TTC21B: variants seen among roughly 807,000 people sequenced by gnomAD.
The protein encoded by TTC21B is tetratricopeptide repeat domain 21B, also known as tetratricopeptide repeat protein 21B.
TTC21B carries 127 observed loss-of-function variants against 175.1 expected under a neutral mutation model. The ratio of observed to expected loss-of-function variants is 0.73; its 90% confidence interval spans 0.63 to 0.84. The LOEUF (loss-of-function observed/expected upper bound fraction) is 0.84, where lower values mean the gene tolerates loss of function less well. Among genes scored for constraint, TTC21B ranks in the 40% least tolerant of loss-of-function variants. TTC21B has a pLI of 0.00. For synonymous variants in TTC21B, 524 were observed against 524.5 expected (o/e 1.00, Z 0.01); for missense variants, 1,561 against 1,558.3 (o/e 1.00, Z -0.03).
intron 6 of TTC21B, among the ~76,000 whole-genome samples, chr2:165,936,460 T>TG (rs1687149515): frequency 6.6e-6 from 1 of 152,044 alleles, no homozygotes; most frequent in Non-Finnish European, 1.5e-5. Flanking sequence ...GTTGATAAGC[T>TG]GGACTTCATT....
intron 4 of TTC21B, among the ~76,000 whole-genome samples, chr2:165,943,860 C>T (rs1238769353): frequency 6.6e-6 from 1 of 152,060 alleles, no homozygotes; most frequent in Non-Finnish European, 1.5e-5. Flanking sequence ...AAATTATAAA[C>T]TGAAGAACTC....
At chr2:165,935,994 C>T (rs1300778147) in intron 6 of TTC21B, among the ~76,000 whole-genome samples, 1 of 151,988 alleles carries the variant, frequency 6.6e-6, no homozygotes, top group Non-Finnish European at 1.5e-5. Context: ...AGCAAAAAAA[C>T]ACAGAATAGC....
intron 12 of TTC21B, among the ~76,000 whole-genome samples, chr2:165,920,109 A>C (rs1686331628): frequency 6.6e-6 from 1 of 152,204 alleles, no homozygotes; most frequent in African/African-American, 2.4e-5. Context: ...AAAACACTGC[A>C]TTGATTCTAA....
chr2:165,888,552 C>T (rs1384338702), intron 24 of TTC21B, 78 bp from the exon 25 acceptor site: 20 of 1,145,166 alleles, frequency 1.7e-5, no homozygotes, highest in East Asian at 2.5e-5. Flanking sequence ...AGCTTTTGTA[C>T]ACAAAAGCTC....
In TTC21B at chr2:165,912,534, TG is replaced by T; in HGVS notation, c.2301del (p.Thr769LeufsTer15). ...TLASKMGKAL[I>X]KTHNYSMAIT... ...CTTACCATTGAGTAGTTATGAGTTTTGATAAGTGCTTTGCCCATTTTGCTTG... is the reference window on the plus strand; with the variant it reads ...CTTACCATTGAGTAGTTATGAGTTTTATAAGTGCTTTGCCCATTTTGCTTG... On this transcript the variant is annotated frameshift_variant, in exon 17 of 29. Transcript: ENST00000243344. LOFTEE classifies it high-confidence loss of function. 1 of 1,614,022 alleles carries T rather than the reference TG, an allele frequency of 6.2e-7. No homozygotes were observed. Among genetic ancestry groups the T allele is most frequent in the Non-Finnish European group, 8.5e-7 (1 of 1,179,870 alleles).
chr2:165,890,855 A>G lies in TTC21B; in HGVS notation c.3084T>C (p.Cys1028=), dbSNP rs750764688. Residue 1028 remains cysteine, a synonymous_variant, in exon 23 of 29, where the codon TGT becomes TGC. Coordinates refer to ENST00000243344, the MANE Select transcript of TTC21B (RefSeq NM_024753.5). ...AGATTTACCAAAGATACAGTCCTTT[A>G]CAATACTGAAATCCTGGTTCCAATT... ...RAKLEPGFQY[C]KGLYLWYTGE... is the part of the protein sequence containing the mutation. 36 of 1,613,338 alleles carry G rather than the reference A, an allele frequency of 2.2e-5. No individual in the cohort carries two copies. Among genetic ancestry groups the G allele is most frequent in the Middle Eastern group, 3.3e-4 (2 of 6,074 alleles).
intron 6 of TTC21B, among the ~76,000 whole-genome samples, chr2:165,938,917 T>A (rs13423181): frequency 0.33 from 50,297 of 152,054 alleles, 8,659 homozygotes; most frequent in Non-Finnish European, 0.39. Flanking sequence ...CTATTGGTAA[T>A]TTGAACACTG....
At chr2:165,952,122 C>G (rs549720426) in intron 1 of TTC21B, among the ~76,000 whole-genome samples, 75 of 152,272 alleles carry the variant, frequency 4.9e-4, no homozygotes, top group African/African-American at 1.5e-3. Context: ...ATGAAGATGA[C>G]TAAAAGCCAC....
At chr2:165,920,642 G>A (rs1187500696) in intron 12 of TTC21B, among the ~76,000 whole-genome samples, 2 of 151,420 alleles carry the variant, frequency 1.3e-5, no homozygotes, top group Non-Finnish European at 2.9e-5. Context: ...GAGAATTAGG[G>A]TTTGCAACTA....
At chr2:165,894,715 A>C (rs1447322769) in intron 22 of TTC21B, among the ~76,000 whole-genome samples, 1 of 152,142 alleles carries the variant, frequency 6.6e-6, no homozygotes, top group Admixed American at 6.5e-5. Flanking sequence ...TTGGTGTTTT[A>C]CAGTCATTCA....
At position 165,911,474 on chromosome 2, in the gene TTC21B, A is replaced by C; in HGVS notation, c.2323-9T>G. ...TCATAGTAAGTGATTGCCTAAACAA[A>C]ATTCATTCCATTTAAGGGAACAAGG... On this transcript the variant is annotated splice_polypyrimidine_tract_variant and intron_variant, in intron 17 of 28. Transcript: ENST00000243344. The C allele has an allele frequency of 6.2e-7, 1 of 1,613,682 alleles. No homozygotes were observed. The highest frequency in any genetic ancestry group is 8.5e-7 in the Non-Finnish European group (1 of 1,179,804).
At chr2:165,953,663 G>GCTCACCCC (rs1453192686) in intron 1 of TTC21B, 22 bp downstream of exon 1, 2 of 1,471,342 alleles carry the variant, frequency 1.4e-6, no homozygotes, top group Non-Finnish European at 1.8e-6. Flanking sequence ...CCGCTCACCC[G>GCTCACCCC]CTCACCCGCT....
At chr2:165,880,916 G>T in intron 26 of TTC21B, 117 bp from the exon 27 acceptor site, 1 of 1,159,658 alleles carries the variant, frequency 8.6e-7, no homozygotes, top group Non-Finnish European at 1.2e-6. Context: ...ATCAAACAAT[G>T]GTTTTCAACC....
chr2:165,884,356 T>C (rs1274701303), intron 25 of TTC21B, among the ~76,000 whole-genome samples: 2 of 152,228 alleles, frequency 1.3e-5, no homozygotes, highest in Non-Finnish European at 2.9e-5. Flanking sequence ...AAAATAAAAC[T>C]CTATTTCAGT....
chr2:165,942,962 G>GA (rs1291741869), intron 5 of TTC21B, among the ~76,000 whole-genome samples: 4 of 152,110 alleles, frequency 2.6e-5, no homozygotes, highest in Admixed American at 2.0e-4. Context: ...AAATGCTGAG[G>GA]AAAGAATGTG....
At chr2:165,928,766 C>A in intron 11 of TTC21B, 1 of 201,836 alleles carries the variant, frequency 5.0e-6, no homozygotes, top group Non-Finnish European at 1.0e-5. Flanking sequence ...CACAGGCTAA[C>A]AATCATAGTT....
In TTC21B at chr2:165,927,333, T is replaced by C. The variant is rs866339599; in HGVS notation, c.1386+1802A>G. Among the ~76,000 whole-genome samples the C allele has an allele frequency of 5.9e-4, 53 of 89,572 alleles. 3 individuals carry two copies. Among genetic ancestry groups the C allele is most frequent in the Middle Eastern group, 4.9e-3 (1 of 204 alleles). The allele number at this position is 89,572 out of a possible 152,430, so 58.8% of individuals were successfully genotyped here. A position where few individuals can be genotyped will look rare whatever the true frequency, so the allele number is the denominator to read the frequency against. On this transcript the variant is annotated intron_variant, in intron 11 of 28. Coordinates refer to ENST00000243344, the MANE Select transcript of TTC21B (RefSeq NM_024753.5). ...TATATATTATATAATATATATATAA[T>C]ATATAATATATATATAATATATTTT... is the stretch of plus-strand genomic sequence containing the variant.
At chr2:165,913,134 G>T (rs1686017847) in intron 16 of TTC21B, among the ~76,000 whole-genome samples, 1 of 152,030 alleles carries the variant, frequency 6.6e-6, no homozygotes, top group Admixed American at 6.5e-5. Flanking sequence ...CACCTCCCAG[G>T]TTCAAGTAAT....
chr2:165,884,238 A>G (rs1488327769), intron 25 of TTC21B, among the ~76,000 whole-genome samples: 1 of 152,236 alleles, frequency 6.6e-6, no homozygotes, highest in African/African-American at 2.4e-5. Context: ...ATAATTGAAG[A>G]TAATGACAAC....
Sources: allele counts gnomAD v4.1 joint callset (sites outside exome capture counted in the v4.1 genomes callset), GRCh38; gene constraint gnomAD v4.1.1; transcripts MANE v1.5; gene names NCBI Gene and HGNC (gene_info 2026-07-23, HGNC 2026-07-21).